Variants in MYO9A observed in about 807,000 individuals in gnomAD.
MYO9A encodes the protein myosin IXA, also known as unconventional myosin-IXa.
In MYO9A, 103 loss-of-function variants were observed where a neutral mutation model predicts 293.3. The ratio of observed to expected loss-of-function variants is 0.35; its 90% confidence interval spans 0.30 to 0.41. The LOEUF is 0.41. Ranked by LOEUF, MYO9A falls within the 10% of genes least tolerant of loss-of-function variation. The probability of loss-of-function intolerance (pLI) is 1.00; values close to 1 mark genes in which losing one functional copy is unlikely to be tolerated. For synonymous variants in MYO9A, 1,001 were observed against 1,035.7 expected (o/e 0.97, Z 0.64); for missense variants, 2,685 against 3,033.0 (o/e 0.89, Z 2.69).
chr15:72,086,257 G>C (rs1054995669), intron 1 of MYO9A, among the ~76,000 whole-genome samples: 15 of 152,336 alleles, frequency 9.8e-5, no homozygotes, highest in African/African-American at 3.6e-4. Context: ...TGGCAACTAT[G>C]CATGTGGTCA....
At chr15:71,859,274 AACAGTATGTGT>A (rs1358173611) in intron 34 of MYO9A, among the ~76,000 whole-genome samples, 3 of 152,228 alleles carry the variant, frequency 2.0e-5, no homozygotes, top group Non-Finnish European at 4.4e-5. Flanking sequence ...TAAGGTATCA[AACAGTATGTGT>A]ACAGTATATT....
At chr15:72,042,711 T>C (rs892283739) in intron 2 of MYO9A, among the ~76,000 whole-genome samples, 6 of 151,714 alleles carry the variant, frequency 4.0e-5, no homozygotes, top group Admixed American at 3.3e-4. Flanking sequence ...AAGAAAAACT[T>C]TTTATTCACA....
intron 40 of MYO9A, among the ~76,000 whole-genome samples, chr15:71,829,111 A>G (rs1313994201): frequency 1.3e-5 from 2 of 152,042 alleles, no homozygotes; most frequent in Admixed American, 6.5e-5. Flanking sequence ...ATTCCTATTA[A>G]TCCTTCAAGA....
At chr15:71,882,799 C>A (rs1340455691) in intron 28 of MYO9A, among the ~76,000 whole-genome samples, 1 of 151,932 alleles carries the variant, frequency 6.6e-6, no homozygotes, top group African/African-American at 2.4e-5. Context: ...AAATAAATAA[C>A]TTTTCTTTTT....
intron 2 of MYO9A, among the ~76,000 whole-genome samples, chr15:72,042,120 T>C (rs1374856457): frequency 7.1e-6 from 1 of 140,640 alleles, no homozygotes; most frequent in Non-Finnish European, 1.5e-5. Context: ...TGCAAAAGAT[T>C]GAATGCAAAA....
chr15:72,037,966 G>C (rs2078108263), intron 2 of MYO9A, among the ~76,000 whole-genome samples: 1 of 150,328 alleles, frequency 6.7e-6, no homozygotes, highest in Non-Finnish European at 1.5e-5. Flanking sequence ...TCAGGCTGGA[G>C]TGCAGTGGCA....
chr15:72,030,559 T>C (rs945987004), intron 3 of MYO9A, among the ~76,000 whole-genome samples: 6 of 152,102 alleles, frequency 3.9e-5, no homozygotes, highest in African/African-American at 1.4e-4. Flanking sequence ...TTTGTTTTTT[T>C]GGAGGAGTCT....
chr15:71,900,379 T>C (rs1445844644), intron 23 of MYO9A, among the ~76,000 whole-genome samples: 2 of 148,676 alleles, frequency 1.3e-5, no homozygotes, highest in Non-Finnish European at 2.9e-5. Context: ...GAGCTTGCAG[T>C]GAGCAGAATT....
At chr15:72,086,053 A>T (rs1433652145) in intron 1 of MYO9A, among the ~76,000 whole-genome samples, 1 of 152,080 alleles carries the variant, frequency 6.6e-6, no homozygotes, top group Non-Finnish European at 1.5e-5. Flanking sequence ...TTGTCACTAC[A>T]CTCCAGCGGG....
chr15:72,089,135 C>G (rs2079828772), intron 1 of MYO9A, among the ~76,000 whole-genome samples: 1 of 152,140 alleles, frequency 6.6e-6, no homozygotes, highest in Admixed American at 6.5e-5. Context: ...CCTCAAGAGT[C>G]AAAACAATGT....
chr15:72,010,717 T>C (rs2077147441), intron 6 of MYO9A, among the ~76,000 whole-genome samples: 1 of 152,204 alleles, frequency 6.6e-6, no homozygotes, highest in African/African-American at 2.4e-5. Flanking sequence ...TAACTTAAGA[T>C]AAAGAGTTAG....
In MYO9A at chr15:72,045,942, G is replaced by C. The variant is rs1337471576; in HGVS notation, c.622C>G (p.Leu208Val). ...KYVKMYDNHQLGKLEPHIYAV... is the reference protein window; with the variant it reads ...KYVKMYDNHQVGKLEPHIYAV... ...TAAATGTGGGGCTCAAGTTTTCCCA[G>C]TTGGTGGTTATCATACATTTTGACA... Residue 208 changes from leucine (L) to valine (V), a missense_variant, in exon 2 of 42, where the codon CTG (leucine) becomes GTG (valine). Physicochemically the swap from Leu to Val is conservative, Grantham distance 32. This residue lies in a region of MYO9A where 289 missense variants were observed against 456.8 expected (regional missense o/e 0.63). Coordinates refer to ENST00000356056, the MANE Select transcript of MYO9A (RefSeq NM_006901.4). 1.9e-6 allele frequency: 3 copies of C among 1,614,144 alleles called. No homozygotes were observed. The highest frequency in any genetic ancestry group is 2.5e-6 in the Non-Finnish European group (3 of 1,180,034).
intron 17 of MYO9A, among the ~76,000 whole-genome samples, chr15:71,934,798 T>C (rs1160093551): frequency 7.1e-6 from 1 of 140,680 alleles, no homozygotes. Context: ...TTTTTTTTTT[T>C]TTTTTTTTTT....
At chr15:72,027,249 T>G (rs1417856954) in intron 4 of MYO9A, among the ~76,000 whole-genome samples, 1 of 152,242 alleles carries the variant, frequency 6.6e-6, no homozygotes, top group Non-Finnish European at 1.5e-5. Flanking sequence ...AATATTTGAA[T>G]GGAAGTCAAA....
intron 14 of MYO9A, among the ~76,000 whole-genome samples, chr15:71,956,858 C>T (rs200644462): frequency 2.1e-4 from 16 of 76,548 alleles, no homozygotes; most frequent in African/African-American, 6.7e-4. Flanking sequence ...CACACACACA[C>T]AAATATATAT....
At chr15:72,068,534 T>A (rs911020214) in intron 1 of MYO9A, among the ~76,000 whole-genome samples, 3 of 151,860 alleles carry the variant, frequency 2.0e-5, no homozygotes, top group Admixed American at 2.0e-4. Context: ...CTGTTGCCCA[T>A]GGCTCACTGC....
intron 13 of MYO9A, among the ~76,000 whole-genome samples, chr15:71,963,252 C>T (rs529488203): frequency 6.6e-6 from 1 of 151,864 alleles, no homozygotes; most frequent in South Asian, 2.1e-4. Flanking sequence ...CCCAGCTAAC[C>T]ATTGGTATTC....
chr15:71,884,293 T>G (rs1051800608), intron 27 of MYO9A, among the ~76,000 whole-genome samples: 3 of 152,194 alleles, frequency 2.0e-5, no homozygotes, highest in Non-Finnish European at 4.4e-5. Context: ...ATTTTAAATC[T>G]TTCCACTCAC....
intron 13 of MYO9A, among the ~76,000 whole-genome samples, chr15:71,965,735 T>G (rs1390065600): frequency 6.6e-6 from 1 of 152,200 alleles, no homozygotes; most frequent in African/African-American, 2.4e-5. Flanking sequence ...GAAGCGAGAC[T>G]CCGTCTCAAA....
Sources: allele counts gnomAD v4.1 joint callset (sites outside exome capture counted in the v4.1 genomes callset), GRCh38; gene constraint gnomAD v4.1.1; regional missense constraint gnomAD v4.1.1; transcripts MANE v1.5; gene names NCBI Gene and HGNC (gene_info 2026-07-23, HGNC 2026-07-21).